Variants in RALY observed in about 807,000 individuals in gnomAD.
RALY encodes RNA-binding protein Raly.
In RALY, 15 loss-of-function variants were observed where a neutral mutation model predicts 30.7. The observed-to-expected ratio is 0.49, with a 90% CI of 0.33 to 0.75. RALY has a LOEUF of 0.75. Ranked by LOEUF, RALY falls within the 30% of genes least tolerant of loss-of-function variation. The pLI is 0.02. For missense variants in RALY, 339 were observed against 414.3 expected (o/e 0.82, Z 1.58); for synonymous variants, 177 against 170.8 (o/e 1.04, Z -0.28).
At chr20:34,043,143 G>A (rs1235454478) in intron 2 of RALY, among the ~76,000 whole-genome samples, 1 of 152,248 alleles carries the variant, frequency 6.6e-6, no homozygotes, top group Non-Finnish European at 1.5e-5. Flanking sequence ...TTGCAGCCCT[G>A]CTCAGTGGCC....
At chr20:34,070,134 A>G (rs1326934216) in intron 2 of RALY, among the ~76,000 whole-genome samples, 1 of 152,208 alleles carries the variant, frequency 6.6e-6, no homozygotes, top group Non-Finnish European at 1.5e-5. Flanking sequence ...AGTTCACTGA[A>G]AAGAAGTCCC....
At chr20:34,024,274 A>G (rs1443380786) in intron 1 of RALY, among the ~76,000 whole-genome samples, 2 of 152,212 alleles carry the variant, frequency 1.3e-5, no homozygotes, top group African/African-American at 4.8e-5. Flanking sequence ...ATAAAGCTTT[A>G]GATTCTCACT....
chr20:34,063,687 A>G (rs979481007), intron 2 of RALY, among the ~76,000 whole-genome samples: 4 of 152,190 alleles, frequency 2.6e-5, no homozygotes, highest in African/African-American at 9.7e-5. Flanking sequence ...TTGTATTTCA[A>G]ACTTCTATTT....
At chr20:34,030,881 C>T (rs1050244095) in intron 1 of RALY, among the ~76,000 whole-genome samples, 1 of 152,062 alleles carries the variant, frequency 6.6e-6, no homozygotes, top group African/African-American at 2.4e-5. Context: ...CATGTCTTAC[C>T]CCAGACTTCA....
chr20:34,048,720 G>A (rs2032970774), intron 2 of RALY, among the ~76,000 whole-genome samples: 1 of 152,060 alleles, frequency 6.6e-6, no homozygotes, highest in Non-Finnish European at 1.5e-5. Context: ...GCCGGGCGTG[G>A]TGGCGGGCGC....
chr20:34,005,257 A>G (rs2122989801), intron 1 of RALY, among the ~76,000 whole-genome samples: 1 of 152,232 alleles, frequency 6.6e-6, no homozygotes, highest in East Asian at 1.9e-4. Context: ...ATGGCCTGTA[A>G]TCCTGACACT....
At chr20:34,025,948 T>C (rs1182012008) in intron 1 of RALY, among the ~76,000 whole-genome samples, 1 of 150,364 alleles carries the variant, frequency 6.7e-6, no homozygotes, top group Non-Finnish European at 1.5e-5. Context: ...AGGAAGGTTT[T>C]TCAACAAAGC....
intron 1 of RALY, chr20:34,017,347 C>T (rs536006564): frequency 5.3e-5 from 8 of 152,166 alleles, no homozygotes; most frequent in African/African-American, 1.9e-4. Flanking sequence ...TTGTACTATG[C>T]TATTAATACA....
chr20:34,041,546 GTC>G (rs1359939404), intron 2 of RALY, among the ~76,000 whole-genome samples: 24 of 152,304 alleles, frequency 1.6e-4, no homozygotes, highest in Non-Finnish European at 2.1e-4. Context: ...CAGGCCCTTA[GTC>G]TCTGTCTTTT....
chr20:34,031,479 T>G (rs991342225), intron 1 of RALY, 43 bp from the exon 2 acceptor site: 1 of 152,198 alleles, frequency 6.6e-6, no homozygotes, highest in Admixed American at 6.5e-5. Flanking sequence ...GCCTGCTGCC[T>G]GTTCTGAGCA....
At chr20:34,075,674 G>A (rs771939278) in intron 5 of RALY, among the ~76,000 whole-genome samples, 200 bp from the exon 6 acceptor site, 2 of 152,136 alleles carry the variant, frequency 1.3e-5, no homozygotes, top group African/African-American at 2.4e-5. Flanking sequence ...AGAGGTTGTA[G>A]TGAGGTAGTG....
chr20:34,065,134 G>A (rs1453104879), intron 2 of RALY: 1 of 152,222 alleles, frequency 6.6e-6, no homozygotes, highest in African/African-American at 2.4e-5. Flanking sequence ...CCAGCACAGA[G>A]GAGGACACTC....
intron 1 of RALY, among the ~76,000 whole-genome samples, chr20:34,010,180 A>G (rs1302771695): frequency 6.6e-6 from 1 of 152,126 alleles, no homozygotes; most frequent in Non-Finnish European, 1.5e-5. Flanking sequence ...ATGTGTCATG[A>G]AGGAAACCAT....
chr20:34,029,012 G>A (rs1452126368), intron 1 of RALY, among the ~76,000 whole-genome samples: 1 of 152,066 alleles, frequency 6.6e-6, no homozygotes. Flanking sequence ...TGGCTGTGTG[G>A]GTCTAATGGA....
At chr20:34,028,309 A>T (rs1374335516) in intron 1 of RALY, among the ~76,000 whole-genome samples, 1 of 151,736 alleles carries the variant, frequency 6.6e-6, no homozygotes, top group Non-Finnish European at 1.5e-5. Context: ...AAGAAATCTT[A>T]TAACTGACTA....
intron 2 of RALY, among the ~76,000 whole-genome samples, chr20:34,060,252 A>G (rs1386510817): frequency 6.6e-6 from 1 of 152,228 alleles, no homozygotes; most frequent in Non-Finnish European, 1.5e-5. Flanking sequence ...AACAATAATA[A>G]TTGAGGTTGA....
chr20:34,063,725 G>C (rs1229476725), intron 2 of RALY, among the ~76,000 whole-genome samples: 4 of 152,168 alleles, frequency 2.6e-5, no homozygotes, highest in Non-Finnish European at 4.4e-5. Context: ...AGGAAGAGGA[G>C]AATAAGGGGA....
chr20:34,002,738 T>C (rs1362227592), intron 1 of RALY, among the ~76,000 whole-genome samples: 1 of 152,204 alleles, frequency 6.6e-6, no homozygotes, highest in East Asian at 1.9e-4. Context: ...AACATTTCCT[T>C]TCAGGTTTAG....
In RALY at chr20:34,081,529, T is replaced by C. The variant is rs1180462095; in HGVS notation, c.*1624T>C. On this transcript the variant is annotated 3_prime_UTR_variant, in exon 10 of 10. Coordinates refer to ENST00000246194, the MANE Select transcript of RALY (RefSeq NM_016732.3). ...CCATCTTTACGTGTTGATCAAAGTT[T>C]GCAGATCTGCTGGAATCCTTATTGA... 3 of 152,194 alleles carry C rather than the reference T, an allele frequency of 2.0e-5. No homozygotes were observed. Among genetic ancestry groups the C allele is most frequent in the Non-Finnish European group, 4.4e-5 (3 of 68,050 alleles). 9.4% of individuals were successfully genotyped at this position (152,194 alleles called of 1,614,324 possible).
Sources: allele counts gnomAD v4.1 joint callset (sites outside exome capture counted in the v4.1 genomes callset), GRCh38; gene constraint gnomAD v4.1.1; transcripts MANE v1.5; gene names NCBI Gene and HGNC (gene_info 2026-07-23, HGNC 2026-07-21).